Variants in MYRFL observed in about 807,000 individuals in gnomAD.
The protein encoded by MYRFL is myelin regulatory factor-like protein.
MYRFL carries 88 observed loss-of-function variants against 109.4 expected under a neutral mutation model. The ratio of observed to expected loss-of-function variants is 0.80; its 90% confidence interval spans 0.68 to 0.96. The LOEUF (loss-of-function observed/expected upper bound fraction) is 0.96, where lower values mean the gene tolerates loss of function less well. Among genes scored for constraint, MYRFL ranks in the 40% least tolerant of loss-of-function variants. The probability of loss-of-function intolerance (pLI) is 0.00; values close to 1 mark genes in which losing one functional copy is unlikely to be tolerated. For missense variants in MYRFL, 957 were observed against 954.9 expected, an observed-to-expected ratio of 1.00 and a Z score of -0.03; for synonymous variants, 324 against 320.9, an observed-to-expected ratio of 1.01 and a Z score of -0.10.
At chr12:69,850,271 A>G (rs1004650922) in intron 1 of MYRFL, among the ~76,000 whole-genome samples, 2 of 152,170 alleles carry the variant, frequency 1.3e-5, no homozygotes, top group African/African-American at 4.8e-5. Context: ...CTGTAGCATG[A>G]AAACAGACTA....
intron 2 of MYRFL, among the ~76,000 whole-genome samples, chr12:69,868,448 T>C (rs545768763): frequency 6.6e-6 from 1 of 152,204 alleles, no homozygotes; most frequent in African/African-American, 2.4e-5. Context: ...TTAAGTACAA[T>C]GATGGTACCT....
chr12:69,911,005 G>A, intron 13 of MYRFL, 75 bp downstream of exon 13: 5 of 987,618 alleles, frequency 5.1e-6, no homozygotes, highest in Non-Finnish European at 7.4e-6. Flanking sequence ...TAGCACAATG[G>A]GCTGAAACAT....
chr12:69,903,942 A>G lies in MYRFL; in HGVS notation c.1383+98A>G, dbSNP rs542001807. 89 of 1,099,834 alleles carry G rather than the reference A, an allele frequency of 8.1e-5. No individual in the cohort carries two copies. In the Middle Eastern group the frequency reaches 1.5e-3, roughly 18 times the overall value. The allele number at this position is 1,099,834 out of a possible 1,614,324, so 68.1% of individuals were successfully genotyped here. A position where few individuals can be genotyped will look rare whatever the true frequency, so the allele number is the denominator to read the frequency against. ...GACACACCTTGAACCGCACATCTTT[A>G]CATGTCACCCACTGGTGTGAGATGA... On this transcript the variant is annotated intron_variant, in intron 11 of 24. Coordinates refer to ENST00000552032, the MANE Select transcript of MYRFL (RefSeq NM_182530.3).
intron 13 of MYRFL, among the ~76,000 whole-genome samples, chr12:69,919,001 A>G (rs1954827610): frequency 1.3e-5 from 2 of 152,092 alleles, no homozygotes; most frequent in African/African-American, 2.4e-5. Flanking sequence ...TTTACTTGCT[A>G]TTGGTCAATC....
intron 13 of MYRFL, among the ~76,000 whole-genome samples, chr12:69,919,984 AG>A (rs1161959058): frequency 6.6e-6 from 1 of 152,176 alleles, no homozygotes; most frequent in African/African-American, 2.4e-5. Flanking sequence ...GCTTCCAAAG[AG>A]AGGAGAAATC....
intron 13 of MYRFL, among the ~76,000 whole-genome samples, chr12:69,921,333 G>C (rs1045917789): frequency 2.0e-5 from 3 of 152,118 alleles, no homozygotes; most frequent in African/African-American, 7.2e-5. Context: ...GTGAGCTAAT[G>C]TGTCTGGCCC....
intron 5 of MYRFL, among the ~76,000 whole-genome samples, chr12:69,882,127 A>G (rs1886159501): frequency 6.6e-6 from 1 of 152,164 alleles, no homozygotes; most frequent in South Asian, 2.1e-4. Flanking sequence ...ATTCATCACC[A>G]TCTTCAGAGA....
At chr12:69,868,842 CA>C (rs1885163116) in intron 2 of MYRFL, among the ~76,000 whole-genome samples, 1 of 152,322 alleles carries the variant, frequency 6.6e-6, no homozygotes, top group East Asian at 1.9e-4. Context: ...CACACACATG[CA>C]CAGCATGCAC....
chr12:69,928,443 G>A (rs1955167695), intron 15 of MYRFL, among the ~76,000 whole-genome samples: 1 of 152,184 alleles, frequency 6.6e-6, no homozygotes, highest in Non-Finnish European at 1.5e-5. Context: ...CCCTGGGGAA[G>A]ATATCCATGA....
In MYRFL at chr12:69,932,429, C is replaced by T. The variant is rs1473768833; in HGVS notation, c.1831-84C>T. On this transcript the variant is annotated intron_variant, in intron 15 of 24. Coordinates refer to ENST00000552032, the MANE Select transcript of MYRFL (RefSeq NM_182530.3). ...ACTATCCCAAGAGAGCAGCAAATAC[C>T]CCTGCTGGGAGCAGTTCTCCAGGCT... is the stretch of plus-strand genomic sequence containing the variant. 9.3e-6 allele frequency: 8 copies of T among 860,296 alleles called. No homozygotes were observed. In the African/African-American group the frequency reaches 1.2e-4, roughly 13 times the overall value. The allele number at this position is 860,296 out of a possible 1,614,324, so 53.3% of individuals were successfully genotyped here.
At chr12:69,922,130 G>T (rs1481424763) in intron 13 of MYRFL, among the ~76,000 whole-genome samples, 3 of 152,090 alleles carry the variant, frequency 2.0e-5, no homozygotes, top group Admixed American at 2.0e-4. Flanking sequence ...CAGTGAGCAG[G>T]GTGCAGGGAG....
intron 16 of MYRFL, among the ~76,000 whole-genome samples, chr12:69,934,454 A>G (rs1955381894): frequency 6.6e-6 from 1 of 152,224 alleles, no homozygotes; most frequent in Admixed American, 6.5e-5. Flanking sequence ...AATGAACAGC[A>G]GAGTGTCCTG....
In MYRFL at chr12:69,880,295, G is replaced by A. The variant is rs777769561; in HGVS notation, c.556+3G>A. On this transcript the variant is annotated splice_donor_region_variant and intron_variant, in intron 5 of 24. Coordinates refer to ENST00000552032, the MANE Select transcript of MYRFL (RefSeq NM_182530.3). ...GTGGGCCTGCCACTGCAGACCGAGT[G>A]AGCAAACCTGGGTGGGAACAAGGGC... is the stretch of plus-strand genomic sequence containing the variant. 8.4e-5 allele frequency: 59 copies of A among 702,334 alleles called. No individual in the cohort carries two copies. The South Asian group carries it at 8.6e-4, about 10-fold the overall frequency. The allele number at this position is 702,334 out of a possible 1,614,324, so 43.5% of individuals were successfully genotyped here.
At chr12:69,926,832 C>A in intron 14 of MYRFL, 98 bp downstream of exon 14, 1 of 1,080,264 alleles carries the variant, frequency 9.3e-7, no homozygotes, top group Non-Finnish European at 1.2e-6. Context: ...GATCAAACAG[C>A]AACCGCTACT....
At chr12:69,942,589 G>T (rs1392509541) in intron 19 of MYRFL, among the ~76,000 whole-genome samples, 2 of 146,582 alleles carry the variant, frequency 1.4e-5, no homozygotes, top group Non-Finnish European at 3.0e-5. Context: ...ATACTGAATG[G>T]GCAAAAACTG....
chr12:69,886,751 A>G, intron 5 of MYRFL, 69 bp from the exon 6 acceptor site: 2 of 1,514,094 alleles, frequency 1.3e-6, no homozygotes, highest in Non-Finnish European at 1.8e-6. Flanking sequence ...CATCAGCTTC[A>G]TGCTGCTAGC....
rs752561083 is a variant in MYRFL, at chr12:69,958,248, G to T, written c.2572-1G>T. The T allele has an allele frequency of 6.5e-7, 1 of 1,534,956 alleles. No individual in the cohort carries two copies. Among genetic ancestry groups the T allele is most frequent in the South Asian group, 1.2e-5 (1 of 83,938 alleles). On this transcript the variant is annotated splice_acceptor_variant, in intron 23 of 24. Coordinates refer to ENST00000552032, the MANE Select transcript of MYRFL (RefSeq NM_182530.3). LOFTEE classifies it high-confidence loss of function. ...TGGATCCTCTTTTATTCACTATTTA[G>T]GGATATCAGCACATTTGGAGCCTCC...
chr12:69,864,870 A>C (rs1884922895), intron 2 of MYRFL, among the ~76,000 whole-genome samples: 1 of 152,220 alleles, frequency 6.6e-6, no homozygotes, highest in Non-Finnish European at 1.5e-5. Flanking sequence ...CTGACCTGGA[A>C]GCAACCTGCC....
intron 13 of MYRFL, among the ~76,000 whole-genome samples, chr12:69,918,860 T>C (rs1399151268): frequency 2.6e-5 from 4 of 152,166 alleles, no homozygotes; most frequent in Non-Finnish European, 5.9e-5. Flanking sequence ...CCTGGTACTT[T>C]CAAAAATAAA....
Sources: gnomAD v4.1 joint callset for allele counts (sites outside exome capture counted in the v4.1 genomes callset) on GRCh38, gnomAD v4.1.1 for gene constraint, MANE v1.5 for transcripts, NCBI Gene and HGNC (gene_info 2026-07-23, HGNC 2026-07-21) for gene names.